KCNH7: variants seen among roughly 807,000 people sequenced by gnomAD.
The protein encoded by KCNH7 is voltage-gated inwardly rectifying potassium channel KCNH7.
KCNH7 carries 49 observed loss-of-function variants against 120.8 expected under a neutral mutation model. That is an observed-to-expected ratio of 0.41 (90% CI 0.32 to 0.51). KCNH7 has a LOEUF of 0.51. Ranked by LOEUF, KCNH7 falls within the 20% of genes least tolerant of loss-of-function variation. KCNH7 has a pLI of 0.38. For missense variants in KCNH7, 1,097 were observed against 1,446.6 expected (o/e 0.76, Z 3.92); for synonymous variants, 547 against 516.1 (o/e 1.06, Z -0.81).
intron 2 of KCNH7, among the ~76,000 whole-genome samples, chr2:162,767,474 T>C (rs1024276354): frequency 2.6e-5 from 4 of 152,128 alleles, no homozygotes; most frequent in Admixed American, 6.6e-5. Flanking sequence ...AGTGCTCTCA[T>C]CATCTTTCTC....
At chr2:162,399,557 A>G (rs372109092) in intron 10 of KCNH7, among the ~76,000 whole-genome samples, 5 of 151,728 alleles carry the variant, frequency 3.3e-5, no homozygotes, top group African/African-American at 1.2e-4. Context: ...GTGTGTGTAC[A>G]TGGCCTAAAT....
intron 2 of KCNH7, among the ~76,000 whole-genome samples, chr2:162,670,470 C>CAAAAA (rs61610131): frequency 2.3e-4 from 11 of 48,204 alleles, no homozygotes; most frequent in East Asian, 5.6e-4. Context: ...CGAACTCTGT[C>CAAAAA]AAAAAAAAAA....
intron 2 of KCNH7, among the ~76,000 whole-genome samples, chr2:162,716,328 G>C (rs997914923): frequency 6.6e-6 from 1 of 152,070 alleles, no homozygotes; most frequent in East Asian, 1.9e-4. Flanking sequence ...TCACGTGATT[G>C]TTATTTATTC....
At chr2:162,553,261 C>G (rs1257878358) in intron 2 of KCNH7, among the ~76,000 whole-genome samples, 1 of 152,150 alleles carries the variant, frequency 6.6e-6, no homozygotes, top group African/African-American at 2.4e-5. Flanking sequence ...AGTAATACAG[C>G]TGATATTTGT....
intron 2 of KCNH7, among the ~76,000 whole-genome samples, chr2:162,735,865 A>G (rs897320781): frequency 4.6e-5 from 7 of 152,192 alleles, no homozygotes; most frequent in African/African-American, 1.7e-4. Context: ...CAGCCCGTCA[A>G]GCTGTGACAA....
intron 2 of KCNH7, among the ~76,000 whole-genome samples, chr2:162,663,472 C>T (rs1321398766): frequency 6.6e-6 from 1 of 152,086 alleles, no homozygotes; most frequent in Non-Finnish European, 1.5e-5. Flanking sequence ...TCACTTTCCT[C>T]TTACAGTAAC....
In KCNH7 at chr2:162,672,890, T is replaced by C. The variant is rs571231112; in HGVS notation, c.308-135810A>G. On this transcript the variant is annotated intron_variant, in intron 2 of 15. Transcript: ENST00000332142. The stretch of plus-strand genomic sequence containing the variant: ...AGAAAGAAAAACAGCTCAAATTTAC[T>C]GATGTGATAGTTTAAATAACAAGAC... Among the ~76,000 whole-genome samples the C allele has an allele frequency of 6.7e-4, 102 of 152,136 alleles. 2 individuals carry two copies. The South Asian group carries it at 0.021, about 31-fold the overall frequency.
chr2:162,469,792 A>T (rs1558962047), intron 6 of KCNH7, among the ~76,000 whole-genome samples: 1 of 150,468 alleles, frequency 6.6e-6, no homozygotes. Flanking sequence ...ATCTCGGCTC[A>T]CTGCAAACTC....
At chr2:162,650,820 C>T (rs1684540281) in intron 2 of KCNH7, among the ~76,000 whole-genome samples, 1 of 152,106 alleles carries the variant, frequency 6.6e-6, no homozygotes, top group South Asian at 2.1e-4. Flanking sequence ...ACGTAGGAGG[C>T]ATTCCACCAA....
chr2:162,720,485 A>T (rs1009657334), intron 2 of KCNH7, among the ~76,000 whole-genome samples: 8 of 151,934 alleles, frequency 5.3e-5, no homozygotes, highest in African/African-American at 1.9e-4. Context: ...CTCTATTTTT[A>T]AAAAATCTAC....
intron 2 of KCNH7, among the ~76,000 whole-genome samples, chr2:162,602,044 G>A (rs918169533): frequency 7.2e-5 from 11 of 152,060 alleles, no homozygotes; most frequent in African/African-American, 1.9e-4. Flanking sequence ...TTGCAGAGGA[G>A]GGGGGTGGAG....
intron 2 of KCNH7, among the ~76,000 whole-genome samples, chr2:162,740,913 C>A (rs1247194582): frequency 6.6e-6 from 1 of 152,066 alleles, no homozygotes; most frequent in African/African-American, 2.4e-5. Flanking sequence ...TTCGGACTTT[C>A]TGGGTTTGGT....
chr2:162,557,963 A>G (rs527632194), intron 2 of KCNH7, among the ~76,000 whole-genome samples: 53 of 152,312 alleles, frequency 3.5e-4, no homozygotes, highest in Admixed American at 1.9e-3. Flanking sequence ...TTAATAAAAG[A>G]GGGAAGATAA....
In KCNH7 at chr2:162,832,737, T is replaced by C. The variant is rs564067096; in HGVS notation, c.307+3800A>G. Among the ~76,000 whole-genome samples, 24 of 152,226 alleles carry C rather than the reference T, an allele frequency of 1.6e-4. No homozygotes were observed. The South Asian group carries it at 4.8e-3, about 30-fold the overall frequency. On this transcript the variant is annotated intron_variant, in intron 2 of 15. Transcript: ENST00000332142. ...CATGAGAGAGAGAGGAGGCACTCAA[T>C]ATACATCTTCACCTTGATTCACAAA... is the stretch of plus-strand genomic sequence containing the variant.
At chr2:162,798,323 C>A (rs759520600) in intron 2 of KCNH7, among the ~76,000 whole-genome samples, 1 of 151,962 alleles carries the variant, frequency 6.6e-6, no homozygotes, top group African/African-American at 2.4e-5. Flanking sequence ...AGAGCTAATA[C>A]TTTTGAAAAA....
chr2:162,513,513 C>CCTTCCTTCTTTCCTT (rs1168425682), intron 4 of KCNH7, among the ~76,000 whole-genome samples: 1 of 147,264 alleles, frequency 6.8e-6, no homozygotes, highest in East Asian at 2.2e-4. Context: ...TTCTTTCCTT[C>CCTTCCTTCTTTCCTT]CTTCCTTCCT....
In KCNH7 at chr2:162,371,934, G is replaced by C. The variant is rs748046524; in HGVS notation, c.3486C>G (p.Tyr1162Ter). 3.1e-6 allele frequency: 5 copies of C among 1,613,824 alleles called. No homozygotes were observed. Among genetic ancestry groups the C allele is most frequent in the Non-Finnish European group, 4.2e-6 (5 of 1,179,848 alleles). ...AAGAAGGATGCCTAATTGGATGAAC[G>C]TAAGTTTTTCTTTGCCGCAGGTGAA... ...LELHLRQRKTYVHPIRHPSLP... is the reference protein window; with the variant it reads ...LELHLRQRKT The change falls in exon 16 of 16, where the codon TAC becomes TAG. Residue 1162 changes from tyrosine to a stop codon, truncating the protein, a stop_gained. Coordinates refer to ENST00000332142, the MANE Select transcript of KCNH7 (RefSeq NM_033272.4). LOFTEE classifies it high-confidence loss of function.
chr2:162,818,563 ATTCT>A (rs1197026111), intron 2 of KCNH7, among the ~76,000 whole-genome samples: 4 of 152,040 alleles, frequency 2.6e-5, no homozygotes, highest in Admixed American at 6.6e-5. Flanking sequence ...GTTATTCTAG[ATTCT>A]TTCCATTTTT....
chr2:162,693,574 C>T (rs751354138), intron 2 of KCNH7, among the ~76,000 whole-genome samples: 3 of 152,106 alleles, frequency 2.0e-5, no homozygotes, highest in Non-Finnish European at 2.9e-5. Flanking sequence ...TGAGTTAGGA[C>T]GTTAGCACAT....
Sources: gnomAD v4.1 joint callset for allele counts (sites outside exome capture counted in the v4.1 genomes callset) on GRCh38, gnomAD v4.1.1 for gene constraint, MANE v1.5 for transcripts, NCBI Gene and HGNC (gene_info 2026-07-23, HGNC 2026-07-21) for gene names.